Variants in MFSD1 observed in about 807,000 individuals in gnomAD.
The protein encoded by MFSD1 is lysosomal dipeptide transporter MFSD1.
MFSD1 carries 59 observed loss-of-function variants against 67.1 expected under a neutral mutation model. The ratio of observed to expected loss-of-function variants is 0.88; its 90% confidence interval spans 0.71 to 1.09. The LOEUF is 1.09. Among genes scored for constraint, MFSD1 ranks in the 50% least tolerant of loss-of-function variants. The pLI is 0.00. For missense variants in MFSD1, 552 were observed against 566.1 expected, an observed-to-expected ratio of 0.97 and a Z score of 0.25; for synonymous variants, 213 against 200.3, an observed-to-expected ratio of 1.06 and a Z score of -0.54.
rs111317292 is a variant in MFSD1, at chr3:158,819,204, C to T, written c.653-445C>T. On this transcript the variant is annotated intron_variant, in intron 7 of 15. Transcript: ENST00000415822. ...CACTTGGGCTGCCAGAGGGCAGGAG[C>T]GAAGGCCGTGGACTCTGGGAAAACA... is the stretch of plus-strand genomic sequence containing the variant. 2.8e-3 allele frequency among the ~76,000 whole-genome samples: 422 copies of T among 152,208 alleles called. 1 individual carries two copies. The highest frequency in any genetic ancestry group is 9.2e-3 in the African/African-American group (384 of 41,524).
At chr3:158,811,931 A>G (rs1409130352) in intron 6 of MFSD1, among the ~76,000 whole-genome samples, 2 of 152,220 alleles carry the variant, frequency 1.3e-5, no homozygotes, top group Non-Finnish European at 2.9e-5. Context: ...TCATTCCAAA[A>G]TACCTATTAA....
intron 13 of MFSD1, among the ~76,000 whole-genome samples, chr3:158,824,638 T>TA (rs2108235283): frequency 6.6e-6 from 1 of 152,340 alleles, no homozygotes; most frequent in South Asian, 2.1e-4. Flanking sequence ...TTTTTACCTG[T>TA]AATTTCATTG....
chr3:158,810,452 A>G (rs924745698), intron 6 of MFSD1, among the ~76,000 whole-genome samples: 2 of 152,248 alleles, frequency 1.3e-5, no homozygotes, highest in African/African-American at 4.8e-5. Context: ...GAAACTCAAT[A>G]TAAAAATATT....
At chr3:158,804,274 T>C (rs761309555) in intron 1 of MFSD1, 45 bp from the exon 2 acceptor site, 2 of 1,432,042 alleles carry the variant, frequency 1.4e-6, no homozygotes, top group Non-Finnish European at 1.9e-6. Flanking sequence ...TTGAAACTTT[T>C]ATATGGGAAG....
intron 7 of MFSD1, among the ~76,000 whole-genome samples, chr3:158,817,303 C>A (rs1315063502): frequency 6.6e-6 from 1 of 152,212 alleles, no homozygotes; most frequent in East Asian, 1.9e-4. Context: ...AAGAGGAAGT[C>A]AAATTGTCCC....
Position 158,819,694 on chromosome 3 carries a change from C to A in MFSD1, c.698C>A (p.Ala233Asp). 1.2e-6 allele frequency: 2 copies of A among 1,608,464 alleles called. No individual in the cohort carries two copies. Among genetic ancestry groups the A allele is most frequent in the Non-Finnish European group, 1.7e-6 (2 of 1,176,538 alleles). The change falls in exon 8 of 16, where the codon GCC becomes GAC. Residue 233 changes from alanine (A) to aspartate (D), a missense_variant. Transcript: ENST00000415822. ...TCACTAATCTGTGCCTTGGCTCTTGCCTACTTGGATCAGAGAGCAGAGAGA... is the reference window on the plus strand; with the variant it reads ...TCACTAATCTGTGCCTTGGCTCTTGACTACTTGGATCAGAGAGCAGAGAGA... ...ILSLICALAL[A>D]YLDQRAERIL...
At position 158,820,416 on chromosome 3, in the gene MFSD1, G is replaced by T. The variant is rs1730612293; in HGVS notation, c.863+90G>T. 12 of 841,758 alleles carry T rather than the reference G, an allele frequency of 1.4e-5. No individual in the cohort carries two copies. In the Admixed American group the frequency reaches 2.1e-4, roughly 14 times the overall value. The allele number at this position is 841,758 out of a possible 1,614,324, so 52.1% of individuals were successfully genotyped here. On this transcript the variant is annotated intron_variant, in intron 9 of 15. Transcript: ENST00000415822. ...TGTAGTTTTTAAAGCAGTAAATCTT[G>T]CTTCTCTGGTTATAGTTTATATTTT...
intron 7 of MFSD1, 51 bp from the exon 8 acceptor site, chr3:158,819,598 T>A (rs1181475017): frequency 9.2e-7 from 1 of 1,081,270 alleles, no homozygotes; most frequent in Non-Finnish European, 1.3e-6. Context: ...GAACCTTCTG[T>A]TTGGTTCTCT....
At chr3:158,828,607 C>T (rs1559926897) in intron 15 of MFSD1, among the ~76,000 whole-genome samples, 1 of 151,768 alleles carries the variant, frequency 6.6e-6, no homozygotes, top group East Asian at 1.9e-4. Context: ...CTTAACATGC[C>T]GTATGCTAAG....
intron 7 of MFSD1, 29 bp downstream of exon 7, chr3:158,814,096 C>T: frequency 6.5e-7 from 1 of 1,540,436 alleles, no homozygotes; most frequent in South Asian, 1.1e-5. Context: ...CCACATCTCT[C>T]CTCTTCTGAA....
chr3:158,820,295 GTTGC>G lies in MFSD1; in HGVS notation c.834_837del (p.Ala279CysfsTer59). ...ATTTATCATCTGTGTCTGCTATTAT[GTTGC>G]TGTGTTCCCTTTTATTGGACTTGGG... On this transcript the variant is annotated frameshift_variant, in exon 9 of 16. Coordinates refer to ENST00000415822, the MANE Select transcript of MFSD1 (RefSeq NM_022736.4). LOFTEE classifies it high-confidence loss of function. 1 of 1,610,486 alleles carries G rather than the reference GTTGC, an allele frequency of 6.2e-7. No homozygotes were observed. The highest frequency in any genetic ancestry group is 1.1e-5 in the South Asian group (1 of 90,984).
chr3:158,828,321 ATTG>A (rs935140324), intron 15 of MFSD1, among the ~76,000 whole-genome samples: 4 of 152,084 alleles, frequency 2.6e-5, no homozygotes, highest in African/African-American at 7.2e-5. Flanking sequence ...TGTGATTGTA[ATTG>A]TTGTGACTTT....
At chr3:158,817,387 C>A (rs1274967895) in intron 7 of MFSD1, among the ~76,000 whole-genome samples, 1 of 152,124 alleles carries the variant, frequency 6.6e-6, no homozygotes, top group Non-Finnish European at 1.5e-5. Context: ...AGCTGATAAG[C>A]AACTTCAGCA....
chr3:158,810,347 C>T (rs1729939707), intron 6 of MFSD1, among the ~76,000 whole-genome samples: 1 of 152,104 alleles, frequency 6.6e-6, no homozygotes, highest in African/African-American at 2.4e-5. Context: ...ATCAAGCTTT[C>T]AAGCTTTGAT....
chr3:158,814,062 T>C lies in MFSD1; in HGVS notation c.647T>C (p.Met216Thr), dbSNP rs370327023. Residue 216 changes from methionine (M) to threonine (T), a missense_variant, in exon 7 of 16, where the codon ATG (methionine) becomes ACG (threonine). Transcript: ENST00000415822. ...AGHTTLGITL[M>T]IGGITCILSL... ...CACACAACCCTCGGGATCACACTTA[T>C]GATTGGTGAGTGAATCCCATGTCCC... 14 of 1,611,892 alleles carry C rather than the reference T, an allele frequency of 8.7e-6. No individual in the cohort carries two copies. The highest frequency in any genetic ancestry group is 4.0e-5 in the African/African-American group (3 of 74,848).
chr3:158,816,574 C>A (rs1404755970), intron 7 of MFSD1, among the ~76,000 whole-genome samples: 12 of 151,152 alleles, frequency 7.9e-5, no homozygotes, highest in Non-Finnish European at 1.8e-4. Flanking sequence ...GAGTAGGTTG[C>A]GAAAATTTTC....
At chr3:158,805,089 T>G (rs1729657277) in intron 2 of MFSD1, among the ~76,000 whole-genome samples, 4 of 152,146 alleles carry the variant, frequency 2.6e-5, no homozygotes, top group Non-Finnish European at 5.9e-5. Flanking sequence ...TGTAGCAGGG[T>G]GTCTGATCCT....
At chr3:158,827,599 A>G (rs1422813078) in intron 15 of MFSD1, among the ~76,000 whole-genome samples, 2 of 151,862 alleles carry the variant, frequency 1.3e-5, no homozygotes, top group Non-Finnish European at 2.9e-5. Context: ...TATTTTTAGT[A>G]GAGATGGGGT....
In MFSD1 at chr3:158,819,744, A is replaced by C; in HGVS notation, c.748A>C (p.Thr250Pro). ...AATCCTTCATAAAGAACAAGGAAAA[A>C]CAGGTAAGTCTAAATGAAAGAATGG... is the stretch of plus-strand genomic sequence containing the variant. ...ERILHKEQGK[T>P]GEVIKLTDVK... Residue 250 changes from threonine (T) to proline (P), a missense_variant, in exon 8 of 16, where the codon ACA becomes CCA. Physicochemically the swap from Thr to Pro is conservative, Grantham distance 38. Transcript: ENST00000415822. The C allele has an allele frequency of 6.3e-7, 1 of 1,583,864 alleles. No individual in the cohort carries two copies. The highest frequency in any genetic ancestry group is 8.7e-7 in the Non-Finnish European group (1 of 1,155,276).
Sources: gnomAD v4.1 joint callset for allele counts (sites outside exome capture counted in the v4.1 genomes callset) on GRCh38, gnomAD v4.1.1 for gene constraint, MANE v1.5 for transcripts, NCBI Gene and HGNC (gene_info 2026-07-23, HGNC 2026-07-21) for gene names.